PRDM1: variants seen among roughly 807,000 people sequenced by gnomAD.
The protein encoded by PRDM1 is PR/SET domain 1.
A neutral mutation model predicts 62.8 loss-of-function variants in PRDM1; 13 were observed. The ratio of observed to expected loss-of-function variants is 0.21; its 90% CI spans 0.13 to 0.33. The LOEUF is 0.33. Among genes scored for constraint, PRDM1 ranks in the 10% least tolerant of loss-of-function variants. The probability of loss-of-function intolerance (pLI) is 1.00; values close to 1 mark genes in which losing one functional copy is unlikely to be tolerated. For missense variants in PRDM1, 895 were observed against 1,058.8 expected, an observed-to-expected ratio of 0.85 and a Z score of 2.15; for synonymous variants, 396 against 417.6, an observed-to-expected ratio of 0.95 and a Z score of 0.63.
At chr6:106,042,991 T>C (rs1222100425) in intron 1 of PRDM1, among the ~76,000 whole-genome samples, 2 of 151,952 alleles carry the variant, frequency 1.3e-5, no homozygotes, top group African/African-American at 2.4e-5. Flanking sequence ...GCTGGGATTA[T>C]AGGCATGTGC....
At chr6:106,101,971 G>T (rs778367338) in intron 4 of PRDM1, among the ~76,000 whole-genome samples, 15 of 152,192 alleles carry the variant, frequency 9.9e-5, no homozygotes, top group Non-Finnish European at 1.9e-4. Context: ...GGCAGGGGGG[G>T]AGGTATTTTT....
intron 1 of PRDM1, among the ~76,000 whole-genome samples, chr6:106,016,185 C>T (rs1259783583): frequency 1.3e-5 from 2 of 152,084 alleles, no homozygotes; most frequent in Non-Finnish European, 2.9e-5. Flanking sequence ...AATAATATCC[C>T]ATTGTGTGTA....
At chr6:106,038,012 G>GTCTTTTTTTTT (rs1772944747) in intron 1 of PRDM1, among the ~76,000 whole-genome samples, 1 of 20,526 alleles carries the variant, frequency 4.9e-5, no homozygotes, top group Non-Finnish European at 9.3e-5. Context: ...TGCTATTTTT[G>GTCTTTTTTTTT]TCTTTTTTTT....
intron 1 of PRDM1, 99 bp from the exon 2 acceptor site, chr6:106,088,102 T>C (rs1483369114): frequency 7.0e-7 from 1 of 1,435,260 alleles, no homozygotes; most frequent in Non-Finnish European, 9.3e-7. Context: ...TGCATCTGCT[T>C]TTAAAGTCTT....
intron 1 of PRDM1, among the ~76,000 whole-genome samples, chr6:106,079,111 C>T (rs534209686): frequency 6.6e-6 from 1 of 152,012 alleles, no homozygotes; most frequent in African/African-American, 2.4e-5. Flanking sequence ...CAGGTGCCCG[C>T]CACCACGTGG....
upstream of PRDM1, among the ~76,000 whole-genome samples, chr6:106,048,017 T>C (rs1393347606): frequency 6.6e-6 from 1 of 152,204 alleles, no homozygotes; most frequent in African/African-American, 2.4e-5. Context: ...TAAATGAGTG[T>C]ATGCCTTTGT....
intron 4 of PRDM1, among the ~76,000 whole-genome samples, chr6:106,101,336 GA>G (rs1476718692): frequency 6.6e-6 from 1 of 152,036 alleles, no homozygotes; most frequent in Non-Finnish European, 1.5e-5. Flanking sequence ...CCAATCAAGG[GA>G]AGGGTTTAAA....
rs527297962 is a variant in PRDM1, at chr6:106,104,193, A to T, written c.665-632A>T. ...CCCCACCCCAGTATTTTTCCACTCCATTAAAATGGAAGTTTTTTTTTTTTT... is the reference window on the plus strand; with the variant it reads ...CCCCACCCCAGTATTTTTCCACTCCTTTAAAATGGAAGTTTTTTTTTTTTT... On this transcript the variant is annotated intron_variant, in intron 4 of 6. Coordinates refer to ENST00000369096, the MANE Select transcript of PRDM1 (RefSeq NM_001198.4). 1.4e-3 allele frequency among the ~76,000 whole-genome samples: 205 copies of T among 149,188 alleles called. 2 individuals are homozygous for T. Among genetic ancestry groups the T allele is most frequent in the South Asian group, 2.0e-3 (9 of 4,602 alleles).
At chr6:105,993,538 A>T (rs1299295605) in exon 1 of PRDM1, among the ~76,000 whole-genome samples, 1 of 152,254 alleles carries the variant, frequency 6.6e-6, no homozygotes, top group Non-Finnish European at 1.5e-5. Context: ...GGAAGGTGCC[A>T]CTTGGAAGAT....
intron 1 of PRDM1, among the ~76,000 whole-genome samples, chr6:106,079,241 A>G (rs999974250): frequency 6.6e-6 from 1 of 152,202 alleles, no homozygotes; most frequent in South Asian, 2.1e-4. Context: ...CTGGGATTAC[A>G]GGGGTGAGCC....
At chr6:106,091,285 C>T (rs1321564749) in intron 2 of PRDM1, among the ~76,000 whole-genome samples, 1 of 152,182 alleles carries the variant, frequency 6.6e-6, no homozygotes, top group Non-Finnish European at 1.5e-5. Context: ...GTGAGGACTC[C>T]TTTGGTGTCC....
rs553434312 is a variant in PRDM1, at chr6:105,998,595, A to G, written c.-67+4956A>G. On this transcript the variant is annotated intron_variant, in intron 1 of 6. Coordinates refer to the PRDM1 transcript ENST00000652320. ...CATGACAGTTAATTTTACTTTATTT[A>G]GATTTTTGCTTCTCCTAGGATTACC... Among the ~76,000 whole-genome samples, 4 of 152,272 alleles carry G rather than the reference A, an allele frequency of 2.6e-5. No individual in the cohort carries two copies. The East Asian group carries it at 7.7e-4, about 29-fold the overall frequency.
chr6:106,073,060 A>G (rs887968699), intron 1 of PRDM1, among the ~76,000 whole-genome samples: 1 of 151,692 alleles, frequency 6.6e-6, no homozygotes, highest in Admixed American at 6.6e-5. Context: ...GCCTGTGTGC[A>G]TATATATCAC....
At chr6:106,094,036 G>A (rs1036534901) in intron 2 of PRDM1, among the ~76,000 whole-genome samples, 9 of 152,194 alleles carry the variant, frequency 5.9e-5, no homozygotes, top group African/African-American at 2.2e-4. Context: ...GCATGTAGGT[G>A]TGCCATATCT....
chr6:106,015,657 G>A (rs1232566547), intron 1 of PRDM1, among the ~76,000 whole-genome samples: 2 of 152,224 alleles, frequency 1.3e-5, no homozygotes, highest in East Asian at 3.9e-4. Flanking sequence ...CTATTTATCT[G>A]TTTATATCAT....
chr6:106,084,518 G>A (rs1366349419), upstream of PRDM1, among the ~76,000 whole-genome samples: 1 of 152,184 alleles, frequency 6.6e-6, no homozygotes, highest in Non-Finnish European at 1.5e-5. Context: ...TATCATGGTT[G>A]ACTCACCAGC....
intron 1 of PRDM1, among the ~76,000 whole-genome samples, chr6:106,034,642 T>C (rs1772898976): frequency 7.0e-6 from 1 of 143,338 alleles, no homozygotes; most frequent in East Asian, 2.0e-4. Flanking sequence ...TCTCTTTTTT[T>C]TTTTTTTTTT....
At chr6:106,093,129 T>C (rs935664184) in intron 2 of PRDM1, among the ~76,000 whole-genome samples, 9 of 152,212 alleles carry the variant, frequency 5.9e-5, no homozygotes, top group Admixed American at 2.6e-4. Flanking sequence ...AGGTTAGAGA[T>C]GGCAAGAGCT....
chr6:106,036,384 G>A (rs1346366936), intron 1 of PRDM1, among the ~76,000 whole-genome samples: 1 of 152,076 alleles, frequency 6.6e-6, no homozygotes, highest in Non-Finnish European at 1.5e-5. Context: ...TTGATTTTTT[G>A]TAGTGAAACA....
Sources: gnomAD v4.1 joint callset for allele counts (sites outside exome capture counted in the v4.1 genomes callset) on GRCh38, gnomAD v4.1.1 for gene constraint, MANE v1.5 for transcripts, NCBI Gene and HGNC (gene_info 2026-07-23, HGNC 2026-07-21) for gene names.